Variants in PAPOLA observed in about 807,000 individuals in gnomAD.
PAPOLA encodes poly(A) polymerase alpha.
Under a neutral mutation model 100.6 loss-of-function variants are expected in PAPOLA, and 15 were observed. The observed-to-expected ratio is 0.15, with a 90% CI of 0.10 to 0.23. The LOEUF is 0.23. Ranked by LOEUF, PAPOLA falls within the 10% of genes least tolerant of loss-of-function variation. The probability of loss-of-function intolerance (pLI) is 1.00; values close to 1 mark genes in which losing one functional copy is unlikely to be tolerated. For synonymous variants in PAPOLA, 293 were observed against 300.0 expected, an observed-to-expected ratio of 0.98 and a Z score of 0.24; for missense variants, 533 against 884.2, an observed-to-expected ratio of 0.60 and a Z score of 5.04.
chr14:96,564,491 T>C (rs936281993), intron 21 of PAPOLA, among the ~76,000 whole-genome samples: 7 of 152,142 alleles, frequency 4.6e-5, no homozygotes, highest in African/African-American at 1.4e-4. Flanking sequence ...TGCTTAGCTG[T>C]ATATATTTGT....
At chr14:96,510,196 G>C (rs1419197967) in intron 1 of PAPOLA, among the ~76,000 whole-genome samples, 5 of 151,932 alleles carry the variant, frequency 3.3e-5, no homozygotes, top group Admixed American at 1.3e-4. Context: ...TTTTGAGGTT[G>C]ATCAAGAATA....
chr14:96,502,847 C>T (rs1336504920), intron 1 of PAPOLA: 3 of 425,174 alleles, frequency 7.1e-6, no homozygotes, highest in Non-Finnish European at 1.3e-5. Context: ...GGGGGCCTTC[C>T]CCTTCCGGAA....
At chr14:96,555,284 C>T (rs533728388) in intron 17 of PAPOLA, among the ~76,000 whole-genome samples, 20 of 146,486 alleles carry the variant, frequency 1.4e-4, no homozygotes, top group Non-Finnish European at 2.4e-4. Flanking sequence ...CTGTGTTGTC[C>T]GGGCTAGTTT....
chr14:96,558,008 T>C (rs1024245317), intron 19 of PAPOLA, among the ~76,000 whole-genome samples: 1 of 152,194 alleles, frequency 6.6e-6, no homozygotes, highest in South Asian at 2.1e-4. Context: ...TTCGCAGATA[T>C]GGATTCCACA....
chr14:96,543,920 G>A (rs1024175692), intron 14 of PAPOLA, among the ~76,000 whole-genome samples: 2 of 152,018 alleles, frequency 1.3e-5, no homozygotes, highest in Non-Finnish European at 2.9e-5. Flanking sequence ...GACTATCAAT[G>A]CACAGTTAGT....
At chr14:96,534,721 C>T (rs1036188366) in intron 10 of PAPOLA, 158 bp downstream of exon 10, 2 of 1,442,948 alleles carry the variant, frequency 1.4e-6, no homozygotes, top group African/African-American at 2.9e-5. Flanking sequence ...TTGTCCTCAA[C>T]TATAATTGAT....
At chr14:96,510,615 T>C (rs750547769) in intron 1 of PAPOLA, among the ~76,000 whole-genome samples, 2 of 152,260 alleles carry the variant, frequency 1.3e-5, no homozygotes, top group Non-Finnish European at 2.9e-5. Flanking sequence ...AGTTTGGCCT[T>C]GGGCTTTATC....
At chr14:96,547,673 C>G in intron 15 of PAPOLA, 124 bp from the exon 16 acceptor site, 1 of 671,152 alleles carries the variant, frequency 1.5e-6, no homozygotes, top group South Asian at 2.2e-5. Flanking sequence ...TAGGTCTTGA[C>G]CGATCTACAG....
intron 3 of PAPOLA, among the ~76,000 whole-genome samples, chr14:96,524,215 G>A (rs890277553): frequency 6.6e-6 from 1 of 152,002 alleles, no homozygotes; most frequent in African/African-American, 2.4e-5. Flanking sequence ...TCATAAAATT[G>A]TTTTTGTTTG....
chr14:96,538,506 G>C (rs562538834), intron 12 of PAPOLA, among the ~76,000 whole-genome samples: 12 of 152,018 alleles, frequency 7.9e-5, no homozygotes, highest in African/African-American at 2.7e-4. Context: ...CTGGTTAAAA[G>C]ATATATTACT....
At position 96,553,511 on chromosome 14, in the gene PAPOLA, TAAAAAAAAAAAAA is replaced by T. The variant is rs758321681; in HGVS notation, c.1664+898_1664+910del. 3 of 130,328 alleles carry T rather than the reference TAAAAAAAAAAAAA, an allele frequency of 2.3e-5. No homozygotes were observed. The Admixed American group carries it at 2.3e-4, about 10-fold the overall frequency. 8.1% of individuals were successfully genotyped at this position (130,328 alleles called of 1,614,324 possible). ...GGGCAACCAGAGTGAGACCCTGTCT[TAAAAAAAAAAAAA>T]AAAAAAAATTTTGAGTCTCGCTCTG... On this transcript the variant is annotated intron_variant, in intron 17 of 21. Transcript: ENST00000216277.
At chr14:96,536,045 G>T in intron 11 of PAPOLA, 46 bp downstream of exon 11, 2 of 1,449,942 alleles carry the variant, frequency 1.4e-6, no homozygotes, top group South Asian at 1.6e-5. Context: ...AAGGATTTAC[G>T]TACCATTGTA....
chr14:96,537,267 C>G lies in PAPOLA; in HGVS notation c.1115+207C>G, dbSNP rs1899616557. 5.3e-5 allele frequency: 29 copies of G among 543,414 alleles called. 1 individual carries two copies. In the South Asian group the frequency reaches 6.7e-4, roughly 12 times the overall value. The allele number at this position is 543,414 out of a possible 1,614,324, so 33.7% of individuals were successfully genotyped here. A position where few individuals can be genotyped will look rare whatever the true frequency, so the allele number is the denominator to read the frequency against. On this transcript the variant is annotated intron_variant, in intron 12 of 21. Coordinates refer to ENST00000216277, the MANE Select transcript of PAPOLA (RefSeq NM_032632.5). ...CCTTTGATTTTTCTGCCCGATCTAACTGAACTCCTGCTACATTTGTAGCAA... is the reference window on the plus strand; with the variant it reads ...CCTTTGATTTTTCTGCCCGATCTAAGTGAACTCCTGCTACATTTGTAGCAA...
chr14:96,555,908 G>A lies in PAPOLA; in HGVS notation c.1726G>A (p.Val576Ile), dbSNP rs1339785357. The A allele has an allele frequency of 6.2e-7, 1 of 1,611,272 alleles. No individual in the cohort carries two copies. The highest frequency in any genetic ancestry group is 1.3e-5 in the African/African-American group (1 of 74,838). The change falls in exon 18 of 22, where the codon GTT (valine) becomes ATT (isoleucine). Residue 576 changes from valine to isoleucine, a missense_variant. This residue lies in a region of PAPOLA where 242 missense variants were observed against 281.0 expected (regional missense o/e 0.86). Coordinates refer to ENST00000216277, the MANE Select transcript of PAPOLA (RefSeq NM_032632.5). The stretch of plus-strand genomic sequence containing the variant: ...TGTGACCAACATACAGGCTACTGAA[G>A]TTTCTGTGCCACAAGTAAATTCCAG... ...ASVTNIQATE[V>I]SVPQVNSSES... is the part of the protein sequence containing the mutation.
At chr14:96,532,259 TTG>T (rs1899086964) in intron 7 of PAPOLA, 70 bp from the exon 8 acceptor site, 2 of 1,487,930 alleles carry the variant, frequency 1.3e-6, no homozygotes, top group South Asian at 1.4e-5. Flanking sequence ...TGATTTAATG[TTG>T]TTTTTTTTTG....
Position 96,502,505 on chromosome 14 carries a change from T to A in PAPOLA, c.-88T>A. On this transcript the variant is annotated 5_prime_UTR_variant, in exon 1 of 22. Coordinates refer to ENST00000216277, the MANE Select transcript of PAPOLA (RefSeq NM_032632.5). ...CCCAGGGCTGAGGCAGGCCCCCCCC[T>A]CCCTCCCGCCTCAGTGGATCATGCC... 2.0e-6 allele frequency: 2 copies of A among 1,017,832 alleles called. No homozygotes were observed. Among genetic ancestry groups the A allele is most frequent in the South Asian group, 1.5e-5 (1 of 66,298 alleles). 63.1% of individuals were successfully genotyped at this position (1,017,832 alleles called of 1,614,324 possible). A position where few individuals can be genotyped will look rare whatever the true frequency, so the allele number is the denominator to read the frequency against.
chr14:96,533,459 CCA>C, intron 9 of PAPOLA: 3 of 983,822 alleles, frequency 3.0e-6, no homozygotes, highest in Non-Finnish European at 3.6e-6. Flanking sequence ...TAGAACCATG[CCA>C]CACTTTTCAG....
chr14:96,530,631 C>G (rs1898921036), intron 6 of PAPOLA, among the ~76,000 whole-genome samples: 1 of 152,062 alleles, frequency 6.6e-6, no homozygotes, highest in Non-Finnish European at 1.5e-5. Flanking sequence ...AAGCAGTCTT[C>G]CTGCCTTGGC....
At chr14:96,559,498 A>G (rs1901631021) in intron 19 of PAPOLA, among the ~76,000 whole-genome samples, 1 of 151,138 alleles carries the variant, frequency 6.6e-6, no homozygotes, top group Non-Finnish European at 1.5e-5. Flanking sequence ...ATGGTAATGT[A>G]AAATAAAAAT....
Sources: allele counts gnomAD v4.1 joint callset (sites outside exome capture counted in the v4.1 genomes callset), GRCh38; gene constraint gnomAD v4.1.1; regional missense constraint gnomAD v4.1.1; transcripts MANE v1.5; gene names NCBI Gene and HGNC (gene_info 2026-07-23, HGNC 2026-07-21).